Variants in MLLT3 observed in about 807,000 individuals in gnomAD.
MLLT3 encodes MLLT3 super elongation complex subunit, also known as protein AF-9.
MLLT3 carries 4 observed loss-of-function variants against 53.2 expected under a neutral mutation model. The observed-to-expected ratio is 0.08, with a 90% CI of 0.04 to 0.17. MLLT3 has a LOEUF of 0.17. Ranked by LOEUF, MLLT3 falls within the 10% of genes least tolerant of loss-of-function variation. MLLT3 has a pLI of 1.00. For missense variants in MLLT3, 569 were observed against 684.0 expected (o/e 0.83, Z 1.87); for synonymous variants, 283 against 230.6 (o/e 1.23, Z -2.06).
chr9:20,514,945 T>A (rs1396779050), intron 2 of MLLT3, among the ~76,000 whole-genome samples: 1 of 141,850 alleles, frequency 7.0e-6, no homozygotes, highest in Non-Finnish European at 1.5e-5. Context: ...AACAATTTTT[T>A]TTTTTTTTTT....
intron 2 of MLLT3, among the ~76,000 whole-genome samples, chr9:20,551,205 T>G (rs562326566): frequency 6.6e-6 from 1 of 152,360 alleles, no homozygotes; most frequent in Non-Finnish European, 1.5e-5. Context: ...ATCCCAATCC[T>G]TGAGTTTATT....
intron 2 of MLLT3, among the ~76,000 whole-genome samples, chr9:20,579,551 C>A (rs1485782237): frequency 6.6e-6 from 1 of 152,042 alleles, no homozygotes; most frequent in Non-Finnish European, 1.5e-5. Context: ...CAAATAATTT[C>A]TTCACAATTC....
intron 5 of MLLT3, among the ~76,000 whole-genome samples, chr9:20,395,360 G>T (rs994322151): frequency 3.9e-5 from 6 of 152,156 alleles, no homozygotes; most frequent in Admixed American, 2.6e-4. Context: ...CAGAAGGCAA[G>T]ATTTTTTAGC....
At chr9:20,371,154 T>G (rs978449415) in intron 5 of MLLT3, among the ~76,000 whole-genome samples, 1 of 152,158 alleles carries the variant, frequency 6.6e-6, no homozygotes, top group African/African-American at 2.4e-5. Context: ...AGACAAAAAG[T>G]TTGATGCTAG....
intron 2 of MLLT3, among the ~76,000 whole-genome samples, chr9:20,542,365 C>T (rs1316696708): frequency 2.0e-5 from 3 of 151,950 alleles, no homozygotes; most frequent in Non-Finnish European, 4.4e-5. Flanking sequence ...ATTCTCCTGC[C>T]TCAGCCTCCC....
At chr9:20,611,406 T>C (rs1479318311) in intron 2 of MLLT3, among the ~76,000 whole-genome samples, 18 of 152,114 alleles carry the variant, frequency 1.2e-4, no homozygotes, top group Non-Finnish European at 1.2e-4. Context: ...ATTTTGCTTT[T>C]AAAAATCAAT....
intron 2 of MLLT3, among the ~76,000 whole-genome samples, chr9:20,591,754 T>A (rs1465834758): frequency 6.6e-6 from 1 of 152,152 alleles, no homozygotes. Flanking sequence ...TGAATGTGTA[T>A]CAAAAAAAAG....
At chr9:20,365,811 C>T in intron 5 of MLLT3, 67 bp from the exon 6 acceptor site, 2 of 1,537,018 alleles carry the variant, frequency 1.3e-6, no homozygotes, top group Non-Finnish European at 1.8e-6. Context: ...AAGTTGAAAA[C>T]AGTATTGTTG....
At chr9:20,512,481 G>T (rs1036007597) in intron 2 of MLLT3, among the ~76,000 whole-genome samples, 2 of 152,244 alleles carry the variant, frequency 1.3e-5, no homozygotes. Context: ...CAGAAACTTT[G>T]GGGGAAGAGT....
chr9:20,622,194 G>A (rs1281435417), intron 1 of MLLT3, 51 bp downstream of exon 1: 11 of 1,550,104 alleles, frequency 7.1e-6, no homozygotes, highest in African/African-American at 5.5e-5. Flanking sequence ...GGCGCAGGGC[G>A]AGGAAGGAAA....
At chr9:20,511,984 AG>A (rs898027026) in intron 2 of MLLT3, among the ~76,000 whole-genome samples, 6 of 152,224 alleles carry the variant, frequency 3.9e-5, no homozygotes, top group African/African-American at 1.4e-4. Flanking sequence ...ATCCCTGAGT[AG>A]GAGAGGCATA....
chr9:20,371,602 G>GT (rs1463230085), intron 5 of MLLT3, among the ~76,000 whole-genome samples: 1 of 152,172 alleles, frequency 6.6e-6, no homozygotes, highest in African/African-American at 2.4e-5. Context: ...TTACTGAATA[G>GT]TTTGAGCCCA....
At chr9:20,552,901 A>G (rs925571544) in intron 2 of MLLT3, among the ~76,000 whole-genome samples, 10 of 152,184 alleles carry the variant, frequency 6.6e-5, no homozygotes, top group African/African-American at 2.4e-4. Context: ...GGTACAACCT[A>G]AATGTTTTTT....
chr9:20,541,010 T>C (rs1818615441), intron 2 of MLLT3, among the ~76,000 whole-genome samples: 1 of 152,198 alleles, frequency 6.6e-6, no homozygotes, highest in Non-Finnish European at 1.5e-5. Flanking sequence ...TTCCACCATA[T>C]ACCCTAAATC....
chr9:20,355,095 T>TAAAAAAAAAAAAAAAAAAAAAA (rs531598773), intron 8 of MLLT3, among the ~76,000 whole-genome samples: 2 of 64,162 alleles, frequency 3.1e-5, no homozygotes, highest in African/African-American at 5.5e-5. Flanking sequence ...AAAGTAGAAC[T>TAAAAAAAAAAAAAAAAAAAAAA]AAAAAAAAAA....
chr9:20,560,042 A>C (rs73434526), intron 2 of MLLT3, among the ~76,000 whole-genome samples: 4,256 of 152,272 alleles, frequency 0.028, 217 homozygotes, highest in African/African-American at 0.096. Flanking sequence ...CTCACACTAT[A>C]AACCTGTACT....
In MLLT3 at chr9:20,414,033, G is replaced by T. The variant is rs764916781; in HGVS notation, c.813C>A (p.Thr271=). 3 of 1,614,146 alleles carry T rather than the reference G, an allele frequency of 1.9e-6. No homozygotes were observed. Among genetic ancestry groups the T allele is most frequent in the Non-Finnish European group, 2.5e-6 (3 of 1,180,012 alleles). ...CCTTCTTATCTTGTCCACTGGTGAT[G>T]GTGAGTAAGTTACTATCTGGTTTTG... ...KEPKPDSNLL[T]ITSGQDKKAP... Residue 271 remains threonine (T), a synonymous_variant, in exon 5 of 11, where the codon ACC becomes ACA. Transcript: ENST00000380338.
rs540763083 is a variant in MLLT3, at chr9:20,346,099, C to T, written c.*344G>A. ...GCATTCGTCCTGTGGAATGAACCAC[C>T]ACAGAGAGATACATGATACCATACA... On this transcript the variant is annotated 3_prime_UTR_variant, in exon 11 of 11. Transcript: ENST00000380338. 3 of 277,924 alleles carry T rather than the reference C, an allele frequency of 1.1e-5. No individual in the cohort carries two copies. The highest frequency in any genetic ancestry group is 9.1e-5 in the South Asian group (1 of 11,012). The allele number at this position is 277,924 out of a possible 1,614,324, so 17.2% of individuals were successfully genotyped here.
At position 20,620,555 on chromosome 9, in the gene MLLT3, G is replaced by T; in HGVS notation, c.193+99C>A. The T allele has an allele frequency of 9.0e-7, 1 of 1,108,390 alleles. No homozygotes were observed. The highest frequency in any genetic ancestry group is 1.2e-6 in the Non-Finnish European group (1 of 834,150). The allele number at this position is 1,108,390 out of a possible 1,614,324, so 68.7% of individuals were successfully genotyped here. On this transcript the variant is annotated intron_variant, in intron 2 of 10. Coordinates refer to ENST00000380338, the MANE Select transcript of MLLT3 (RefSeq NM_004529.4). This position sits in a 1 kb window ranked among gnomAD's most constrained non-coding sequence, Gnocchi z 6.1. ...GGATCCCGAGGCTACGCCGGCGAGC[G>T]CGGCGCGGGGGGCGGGGAGCGGGAC...
Sources: gnomAD v4.1 joint callset for allele counts (sites outside exome capture counted in the v4.1 genomes callset) on GRCh38, gnomAD v4.1.1 for gene constraint, Gnocchi (gnomAD v3.1) non-coding constraint, MANE v1.5 for transcripts, NCBI Gene and HGNC (gene_info 2026-07-23, HGNC 2026-07-21) for gene names.